Variants in TACC3 observed in about 807,000 individuals in gnomAD.
TACC3 encodes the protein transforming acidic coiled-coil-containing protein 3.
TACC3 carries 52 observed loss-of-function variants against 86.0 expected under a neutral mutation model. That is an observed-to-expected ratio of 0.60 (90% confidence interval 0.48 to 0.76). The LOEUF (loss-of-function observed/expected upper bound fraction) is 0.76. TACC3 is among the 30% of genes least tolerant of loss of function. The pLI, the probability that TACC3 is intolerant of heterozygous loss-of-function variation, is 0.00. For synonymous variants in TACC3, 512 were observed against 430.0 expected (o/e 1.19, Z -2.36); for missense variants, 1,120 against 1,070.4 (o/e 1.05, Z -0.65).
At chr4:1,732,334 A>ATGGTTTGTC (rs1718043629) in intron 6 of TACC3, among the ~76,000 whole-genome samples, 1 of 151,500 alleles carries the variant, frequency 6.6e-6, no homozygotes, top group Non-Finnish European at 1.5e-5. Context: ...GCAGTTGAAT[A>ATGGTTTGTC]CGGTTTGTCC....
chr4:1,720,721 G>C, upstream of TACC3: 1 of 1,562,852 alleles, frequency 6.4e-7, no homozygotes, highest in South Asian at 1.2e-5. This position sits in a 1 kb window ranked among gnomAD's most constrained non-coding sequence, Gnocchi z 4.4. Flanking sequence ...TGCCCAGCCA[G>C]CCCGACAGCA....
intron 1 of TACC3, chr4:1,723,055 A>C: frequency 1.1e-5 from 2 of 188,110 alleles, no homozygotes; most frequent in Non-Finnish European, 1.1e-5. Flanking sequence ...CGGGTTTCTT[A>C]TTGGCCCGGG....
At chr4:1,727,655 C>T in intron 3 of TACC3, 53 bp from the exon 4 acceptor site, 3 of 1,533,994 alleles carry the variant, frequency 2.0e-6, no homozygotes, top group Non-Finnish European at 2.6e-6. Context: ...TGCTGAGGCC[C>T]CTAACCTCAC....
rs55662287 is a variant in TACC3, at chr4:1,733,196, T to G, written c.1591+1895T>G. Among the ~76,000 whole-genome samples the G allele has an allele frequency of 5.3e-3, 813 of 152,336 alleles. 4 individuals carry two copies. Among genetic ancestry groups the G allele is most frequent in the Non-Finnish European group, 7.7e-3 (523 of 68,030 alleles). ...TGGCTCATGAACGAGCGTCTTTTTA[T>G]GTGCTCGTTGGATATCTTCTTTGGG... is the stretch of plus-strand genomic sequence containing the variant. On this transcript the variant is annotated intron_variant, in intron 6 of 15. Coordinates refer to ENST00000313288, the MANE Select transcript of TACC3 (RefSeq NM_006342.3).
At position 1,731,230 on chromosome 4, in the gene TACC3, C is replaced by T; in HGVS notation, c.1520C>T (p.Pro507Leu). ...SLPTSCPGSE[P>L]VPTHQQGQPA... ...CCCACAAGCTGTCCAGGCAGTGAGC[C>T]AGTGCCCACCCATCAGCAGGGGCAG... is the stretch of plus-strand genomic sequence containing the variant. The change falls in exon 6 of 16, where the codon CCA becomes CTA. Residue 507 changes from proline to leucine, a missense_variant. By Grantham distance (98) the Pro-to-Leu change is moderately conservative. Coordinates refer to ENST00000313288, the MANE Select transcript of TACC3 (RefSeq NM_006342.3). 6.2e-7 allele frequency: 1 copy of T among 1,613,414 alleles called. No individual in the cohort carries two copies. Among genetic ancestry groups the T allele is most frequent in the Non-Finnish European group, 8.5e-7 (1 of 1,180,016 alleles).
chr4:1,738,690 C>T (rs1259495537), intron 10 of TACC3, among the ~76,000 whole-genome samples: 5 of 152,194 alleles, frequency 3.3e-5, no homozygotes, highest in African/African-American at 1.2e-4. Context: ...GGAAGGGGTT[C>T]TTATTCCTGA....
intron 3 of TACC3, among the ~76,000 whole-genome samples, chr4:1,727,468 G>C (rs1717743958): frequency 6.6e-6 from 1 of 152,234 alleles, no homozygotes; most frequent in African/African-American, 2.4e-5. Context: ...ATGAGGGCGG[G>C]GTCAGCGAGG....
chr4:1,723,474 A>G lies in TACC3; in HGVS notation c.53A>G (p.Glu18Gly), dbSNP rs765740396. Residue 18 changes from glutamate to glycine, a missense_variant, in exon 2 of 16, where the codon GAA (glutamate) becomes GGA (glycine). Transcript: ENST00000313288. ...DKNVSNEKNTENCDFLFSPPE... is the reference protein window; with the variant it reads ...DKNVSNEKNTGNCDFLFSPPE... ...AATGTCAGCAATGAAAAAAATACAG[A>G]AAATTGCGACTTCCTGTTTTCGCCA... 6.2e-6 allele frequency: 10 copies of G among 1,613,700 alleles called. No homozygotes were observed. The highest frequency in any genetic ancestry group is 6.8e-6 in the Non-Finnish European group (8 of 1,179,990).
chr4:1,723,920 A>G, intron 3 of TACC3, 50 bp downstream of exon 3: 1 of 1,599,480 alleles, frequency 6.3e-7, no homozygotes, highest in Non-Finnish European at 8.5e-7. Context: ...TCTCTGTCCG[A>G]TGGTTCTTGC....
At chr4:1,729,213 A>G (rs576761181) in intron 4 of TACC3, among the ~76,000 whole-genome samples, 6 of 152,194 alleles carry the variant, frequency 3.9e-5, no homozygotes, top group African/African-American at 1.4e-4. Flanking sequence ...TCCTGGCTGA[A>G]TGGTCTTAGG....
chr4:1,735,415 C>T lies in TACC3; in HGVS notation c.1644+90C>T. The T allele has an allele frequency of 7.0e-7, 1 of 1,436,568 alleles. No homozygotes were observed. The highest frequency in any genetic ancestry group is 9.8e-7 in the Non-Finnish European group (1 of 1,024,190). The allele number at this position is 1,436,568 out of a possible 1,614,324, so 89.0% of individuals were successfully genotyped here. A position where few individuals can be genotyped will look rare whatever the true frequency, so the allele number is the denominator to read the frequency against. ...TTGCCCCCGGAGCGTCCCTTGGTGC[C>T]CACGTCCCCCCAGCTGCACACAGGC... On this transcript the variant is annotated intron_variant, in intron 7 of 15. Coordinates refer to ENST00000313288, the MANE Select transcript of TACC3 (RefSeq NM_006342.3). This position sits in a 1 kb window ranked among gnomAD's most constrained non-coding sequence, Gnocchi z 4.2.
In TACC3 at chr4:1,735,275, C is replaced by G; in HGVS notation, c.1594C>G (p.Leu532Val). 3 of 1,614,018 alleles carry G rather than the reference C, an allele frequency of 1.9e-6. No individual in the cohort carries two copies. The highest frequency in any genetic ancestry group is 8.5e-7 in the Non-Finnish European group (1 of 1,180,030). Residue 532 changes from leucine (L) to valine (V), a missense_variant and splice_region_variant, in exon 7 of 16, where the codon CTA becomes GTA. Leu to Val is a conservative substitution (Grantham distance 32, BLOSUM62 1). Transcript: ENST00000313288. The surrounding 1 kb of genome is among the most constrained non-coding windows in gnomAD (Gnocchi z 4.2). ...EESFRDPAEV[L>V]GTGAEVDYLE... ...GCGGCATGATTCACTCCTCTCAGTT[C>G]TAGGCACGGGCGCGGAGGTGGATTA...
At chr4:1,743,124 T>A (rs139681274) in intron 13 of TACC3, among the ~76,000 whole-genome samples, 1,768 of 151,330 alleles carry the variant, frequency 0.012, 26 homozygotes, top group South Asian at 0.043. Context: ...TAGCTGGGCA[T>A]GGTGGCAGGC....
rs80150495 is a variant in TACC3 at position 1,735,080 on chromosome 4, G to T, written c.1592-193G>T. Among the ~76,000 whole-genome samples the T allele has an allele frequency of 0.018, 2,678 of 152,338 alleles. 73 individuals are homozygous for T. The highest frequency in any genetic ancestry group is 0.061 in the African/African-American group (2,538 of 41,574). On this transcript the variant is annotated intron_variant, in intron 6 of 15. Coordinates refer to ENST00000313288, the MANE Select transcript of TACC3 (RefSeq NM_006342.3). This position sits in a 1 kb window ranked among gnomAD's most constrained non-coding sequence, Gnocchi z 4.2. ...GGAGTGGGTAGAGGCTGGGGATGCC[G>T]CTCAGCACCCTGCGGTGCCCAGGAG...
intron 12 of TACC3, chr4:1,740,465 C>T: frequency 3.2e-6 from 1 of 308,044 alleles, no homozygotes; most frequent in Non-Finnish European, 6.1e-6. Context: ...CGGCAGGTGA[C>T]CGCCTGGCCC....
Position 1,727,845 on chromosome 4 carries a change from C to T in TACC3, c.443C>T (p.Ala148Val), listed in dbSNP as rs776393463. 1.5e-5 allele frequency: 24 copies of T among 1,613,202 alleles called. No homozygotes were observed. In the Admixed American group the frequency reaches 4.0e-4, roughly 27 times the overall value. ...AGCTCCAGCGAGTCTGGCCCAGGTGCCCTGGCTGACCTGGACTGCTCAAGC... is the reference window on the plus strand; with the variant it reads ...AGCTCCAGCGAGTCTGGCCCAGGTGTCCTGGCTGACCTGGACTGCTCAAGC... Reference protein sequence around the residue: ...SGSSSESGPGALADLDCSSSS... With the variant: ...SGSSSESGPGVLADLDCSSSS... Residue 148 changes from alanine (A) to valine (V), a missense_variant, in exon 4 of 16, where the codon GCC becomes GTC. Physicochemically the swap from Ala to Val is moderately conservative, Grantham distance 64. Coordinates refer to ENST00000313288, the MANE Select transcript of TACC3 (RefSeq NM_006342.3).
upstream of TACC3, chr4:1,720,873 C>T: frequency 1.3e-6 from 2 of 1,539,352 alleles, no homozygotes; most frequent in Non-Finnish European, 1.8e-6. The surrounding 1 kb of genome is among the most constrained non-coding windows in gnomAD (Gnocchi z 4.4). Context: ...GCTAGGCCCC[C>T]GCCCCGGCGC....
Position 1,728,740 on chromosome 4 carries a change from G to T in TACC3, c.1338G>T (p.Gln446His), listed in dbSNP as rs1717849562. ...ETRLGQPAAE[Q>H]LHAGPATEEP... The stretch of plus-strand genomic sequence containing the variant: ...GGCTGGGCCAGCCAGCGGCTGAACA[G>T]TTGCATGCTGGGCCTGCCACGGAGG... The change falls in exon 4 of 16, where the codon CAG becomes CAT. Residue 446 changes from glutamine (Q) to histidine (H), a missense_variant. Physicochemically the swap from Gln to His is conservative, Grantham distance 24. Transcript: ENST00000313288. 1 of 1,612,392 alleles carries T rather than the reference G, an allele frequency of 6.2e-7. No individual in the cohort carries two copies. The highest frequency in any genetic ancestry group is 1.3e-5 in the African/African-American group (1 of 74,922).
Position 1,735,758 on chromosome 4 carries a change from T to A in TACC3, c.1672T>A (p.Ser558Thr). Reference protein sequence around the residue: ...SFKESALRKQSLYLKFDPLLR... With the variant: ...SFKESALRKQTLYLKFDPLLR... ...TAAGGAGTCGGCCTTGAGGAAGCAG[T>A]CCTTATACCTCAAGTTCGACCCCCT... is the stretch of plus-strand genomic sequence containing the variant. The change falls in exon 8 of 16, where the codon TCC (serine) becomes ACC (threonine). Residue 558 changes from serine to threonine, a missense_variant. Transcript: ENST00000313288. The surrounding 1 kb of genome is among the most constrained non-coding windows in gnomAD (Gnocchi z 4.2). 6.2e-7 allele frequency: 1 copy of A among 1,612,940 alleles called. No homozygotes were observed. The highest frequency in any genetic ancestry group is 8.5e-7 in the Non-Finnish European group (1 of 1,179,740).
Sources: allele counts gnomAD v4.1 joint callset (sites outside exome capture counted in the v4.1 genomes callset), GRCh38; gene constraint gnomAD v4.1.1; non-coding constraint Gnocchi (gnomAD v3.1); transcripts MANE v1.5; gene names NCBI Gene and HGNC (gene_info 2026-07-23, HGNC 2026-07-21).